The following SLC25A13 variants were observed in gnomAD, a reference collection of about 807,000 sequenced individuals.
The protein encoded by SLC25A13 is solute carrier family 25 member 13, also known as electrogenic aspartate/glutamate antiporter SLC25A13, mitochondrial.
SLC25A13 carries 70 observed loss-of-function variants against 85.5 expected under a neutral mutation model. That is an observed-to-expected ratio of 0.82 (90% CI 0.68 to 1.00). The LOEUF (loss-of-function observed/expected upper bound fraction) is 1.00, where lower values mean the gene tolerates loss of function less well. Among genes scored for constraint, SLC25A13 ranks in the 50% least tolerant of loss-of-function variants. SLC25A13 has a pLI of 0.00. For missense variants in SLC25A13, 765 were observed against 819.8 expected, an observed-to-expected ratio of 0.93 and a Z score of 0.82; for synonymous variants, 259 against 288.7, an observed-to-expected ratio of 0.90 and a Z score of 1.04.
intron 3 of SLC25A13, among the ~76,000 whole-genome samples, chr7:96,266,053 T>A (rs1357837948): frequency 6.6e-6 from 1 of 152,212 alleles, no homozygotes; most frequent in Non-Finnish European, 1.5e-5. Flanking sequence ...GGTTTCAACA[T>A]GAATTTTGGA....
intron 1 of SLC25A13, among the ~76,000 whole-genome samples, chr7:96,308,945 T>C (rs1799858538): frequency 6.6e-6 from 1 of 152,200 alleles, no homozygotes; most frequent in Admixed American, 6.5e-5. Context: ...ATGGATTAAC[T>C]GAAATCTTCA....
At chr7:96,156,955 T>C (rs908245300) in intron 13 of SLC25A13, among the ~76,000 whole-genome samples, 5 of 152,208 alleles carry the variant, frequency 3.3e-5, no homozygotes, top group East Asian at 1.9e-4. Context: ...AAATATAGCA[T>C]AGTCATTTCA....
At chr7:96,121,407 T>C in intron 17 of SLC25A13, 30 bp from the exon 18 acceptor site, 2 of 1,611,874 alleles carry the variant, frequency 1.2e-6, no homozygotes, top group Non-Finnish European at 1.7e-6. Flanking sequence ...AGTAAGAAGC[T>C]GTATTTTTTG....
intron 3 of SLC25A13, among the ~76,000 whole-genome samples, chr7:96,241,359 A>T (rs771347481): frequency 2.2e-4 from 34 of 152,372 alleles, no homozygotes; most frequent in Non-Finnish European, 4.4e-4. Context: ...AAGGATATTT[A>T]CCCAGCACTG....
chr7:96,277,413 A>G, intron 2 of SLC25A13, 75 bp from the exon 3 acceptor site: 1 of 1,369,934 alleles, frequency 7.3e-7, no homozygotes, highest in Non-Finnish European at 1.0e-6. Context: ...GTGATATGTG[A>G]AAAAGTTGAA....
intron 14 of SLC25A13, 152 bp downstream of exon 14, chr7:96,146,404 T>A: frequency 1.1e-6 from 1 of 920,284 alleles, no homozygotes; most frequent in South Asian, 1.6e-5. Context: ...CACCTCCTTC[T>A]AATTGGCATG....
chr7:96,164,405 C>T (rs987642962), intron 13 of SLC25A13, among the ~76,000 whole-genome samples: 8 of 152,066 alleles, frequency 5.3e-5, no homozygotes, highest in African/African-American at 2.4e-5. Context: ...ACAGAAACCA[C>T]GGAAAGGAGG....
chr7:96,270,793 G>C (rs1298283608), intron 3 of SLC25A13, among the ~76,000 whole-genome samples: 2 of 152,118 alleles, frequency 1.3e-5, no homozygotes, highest in Non-Finnish European at 2.9e-5. Flanking sequence ...CTAGGGATGA[G>C]AAGCCCTAAA....
At chr7:96,277,461 C>G (rs1043799335) in intron 2 of SLC25A13, 123 bp from the exon 3 acceptor site, 1 of 903,184 alleles carries the variant, frequency 1.1e-6, no homozygotes, top group African/African-American at 1.7e-5. Context: ...TGATCATGTA[C>G]GCTTCATAAT....
chr7:96,255,285 C>T (rs1042584943), intron 3 of SLC25A13, among the ~76,000 whole-genome samples: 4 of 152,056 alleles, frequency 2.6e-5, no homozygotes, highest in South Asian at 2.1e-4. Flanking sequence ...AATGAAAGAG[C>T]GGAGATAGAA....
Position 96,120,460 on chromosome 7 carries a change from T to G in SLC25A13, c.*731A>C. 2.2e-6 allele frequency: 1 copy of G among 454,460 alleles called. No individual in the cohort carries two copies. The highest frequency in any genetic ancestry group is 1.6e-5 in the South Asian group (1 of 64,470). The allele number at this position is 454,460 out of a possible 1,614,324, so 28.2% of individuals were successfully genotyped here. A position where few individuals can be genotyped will look rare whatever the true frequency, so the allele number is the denominator to read the frequency against. Reference sequence around the variant, plus strand: ...TAAAATAGGCAGTAATCAGTACATGTACATCATATGAGCAGTTTTTCAAAA... The same window carrying G: ...TAAAATAGGCAGTAATCAGTACATGGACATCATATGAGCAGTTTTTCAAAA... On this transcript the variant is annotated 3_prime_UTR_variant, in exon 18 of 18. Coordinates refer to ENST00000265631, the MANE Select transcript of SLC25A13 (RefSeq NM_014251.3).
rs563487943 is a variant in SLC25A13 at position 96,203,190 on chromosome 7, A to G, written c.468+5648T>C. Reference sequence around the variant, plus strand: ...AAGAGCCGTTTACCTTTACACATTCAGGGTTGCCTAGTCCAGACCAAAGTT... The same window carrying G: ...AAGAGCCGTTTACCTTTACACATTCGGGGTTGCCTAGTCCAGACCAAAGTT... On this transcript the variant is annotated intron_variant, in intron 5 of 17. Coordinates refer to ENST00000265631, the MANE Select transcript of SLC25A13 (RefSeq NM_014251.3). Among the ~76,000 whole-genome samples the G allele has an allele frequency of 1.2e-4, 19 of 152,286 alleles. No individual in the cohort carries two copies. In the East Asian group the frequency reaches 3.7e-3, roughly 29 times the overall value.
At chr7:96,290,141 A>T (rs1002646558) in intron 2 of SLC25A13, among the ~76,000 whole-genome samples, 3 of 152,182 alleles carry the variant, frequency 2.0e-5, no homozygotes, top group Non-Finnish European at 4.4e-5. Flanking sequence ...AAAGAAAAGA[A>T]TTTTCAACCC....
In SLC25A13 at chr7:96,177,886, C is replaced by T. The variant is rs758595931; in HGVS notation, c.1178-6362G>A. Among the ~76,000 whole-genome samples the T allele has an allele frequency of 7.2e-5, 11 of 152,224 alleles. No homozygotes were observed. In the East Asian group the frequency reaches 9.7e-4, roughly 13 times the overall value. On this transcript the variant is annotated intron_variant, in intron 11 of 17. Coordinates refer to ENST00000265631, the MANE Select transcript of SLC25A13 (RefSeq NM_014251.3). ...GGGCTCTGTGCTCCTTAATTCTCTG[C>T]GGTACCAGTTTTCTCTAACAGACTT...
chr7:96,150,193 T>C (rs1240373535), intron 13 of SLC25A13, among the ~76,000 whole-genome samples: 1 of 151,870 alleles, frequency 6.6e-6, no homozygotes, highest in East Asian at 1.9e-4. Context: ...GAGAAATGCA[T>C]ACAATTATTA....
intron 3 of SLC25A13, among the ~76,000 whole-genome samples, chr7:96,249,410 T>C (rs1371682245): frequency 1.3e-5 from 2 of 152,198 alleles, no homozygotes; most frequent in African/African-American, 2.4e-5. Context: ...ATTCACCTAT[T>C]AACACAGGCC....
intron 14 of SLC25A13, among the ~76,000 whole-genome samples, chr7:96,143,246 A>G (rs754601271): frequency 1.6e-4 from 25 of 152,188 alleles, no homozygotes; most frequent in Non-Finnish European, 2.9e-4. Flanking sequence ...TTCCTAAAGT[A>G]TAATTTGTCC....
intron 1 of SLC25A13, among the ~76,000 whole-genome samples, chr7:96,311,843 C>A (rs1799963341): frequency 6.6e-6 from 1 of 152,114 alleles, no homozygotes; most frequent in African/African-American, 2.4e-5. Context: ...CTCTGACTGA[C>A]CTCTATGTTA....
At position 96,237,420 on chromosome 7, in the gene SLC25A13, G is replaced by T. The variant is rs533538720; in HGVS notation, c.213-2503C>A. Among the ~76,000 whole-genome samples the T allele has an allele frequency of 8.7e-4, 133 of 152,184 alleles. 1 individual carries two copies. The highest frequency in any genetic ancestry group is 1.0e-3 in the Non-Finnish European group (69 of 68,036). ...GTAGGAGTTACCAATTCTCCATCTA[G>T]CAGGTCATGAGGAGCAAAAGACTGG... On this transcript the variant is annotated intron_variant, in intron 3 of 17. Coordinates refer to ENST00000265631, the MANE Select transcript of SLC25A13 (RefSeq NM_014251.3).
Sources: allele counts gnomAD v4.1 joint callset (sites outside exome capture counted in the v4.1 genomes callset), GRCh38; gene constraint gnomAD v4.1.1; transcripts MANE v1.5; gene names NCBI Gene and HGNC (gene_info 2026-07-23, HGNC 2026-07-21).